The following PRUNE2 variants were observed in gnomAD, a reference collection of about 807,000 sequenced individuals.
PRUNE2 encodes the protein prune homolog 2 with BCH domain, also known as protein prune homolog 2.
In PRUNE2, 164 loss-of-function variants were observed where a neutral mutation model predicts 252.0. The observed-to-expected ratio is 0.65, with a 90% CI of 0.57 to 0.74. The LOEUF is 0.74. Ranked by LOEUF, PRUNE2 falls within the 30% of genes least tolerant of loss-of-function variation. The pLI is 0.00. For missense variants in PRUNE2, 3,495 were observed against 3,711.0 expected, an observed-to-expected ratio of 0.94 and a Z score of 1.51; for synonymous variants, 1,292 against 1,350.2, an observed-to-expected ratio of 0.96 and a Z score of 0.94.
At chr9:76,752,595 C>T (rs571604168) in intron 6 of PRUNE2, among the ~76,000 whole-genome samples, 5 of 152,142 alleles carry the variant, frequency 3.3e-5, no homozygotes, top group African/African-American at 1.2e-4. Context: ...TTTCAGTCTC[C>T]TGAATAGAAG....
At chr9:76,760,718 A>C (rs961488893) in intron 6 of PRUNE2, among the ~76,000 whole-genome samples, 1 of 152,036 alleles carries the variant, frequency 6.6e-6, no homozygotes, top group African/African-American at 2.4e-5. Context: ...GACTCACTCT[A>C]CTTCAACCAA....
At chr9:76,849,372 A>T (rs2059833092) in intron 3 of PRUNE2, among the ~76,000 whole-genome samples, 1 of 152,238 alleles carries the variant, frequency 6.6e-6, no homozygotes, top group Admixed American at 6.5e-5. Context: ...TGACCTTCAT[A>T]GCCCATCTCT....
chr9:76,811,052 T>C (rs1477768724), intron 6 of PRUNE2, among the ~76,000 whole-genome samples: 2 of 152,090 alleles, frequency 1.3e-5, no homozygotes, highest in Non-Finnish European at 2.9e-5. Context: ...AGAGAGAATA[T>C]AAATGAGAAG....
chr9:76,864,742 AGAGAAT>A (rs1454619225), intron 1 of PRUNE2, among the ~76,000 whole-genome samples: 1 of 152,244 alleles, frequency 6.6e-6, no homozygotes, highest in African/African-American at 2.4e-5. Flanking sequence ...GGGGCAATTA[AGAGAAT>A]AAGAAATGAA....
chr9:76,873,337 T>C (rs891797700), intron 1 of PRUNE2, among the ~76,000 whole-genome samples: 2 of 152,226 alleles, frequency 1.3e-5, no homozygotes, highest in African/African-American at 4.8e-5. Flanking sequence ...AATAAAAGTT[T>C]TTTTAAAAGA....
At chr9:76,834,233 C>T (rs1003171386) in intron 4 of PRUNE2, among the ~76,000 whole-genome samples, 1 of 151,956 alleles carries the variant, frequency 6.6e-6, no homozygotes, top group East Asian at 1.9e-4. Context: ...TGAATCCTAA[C>T]CAGAGTGCAA....
chr9:76,683,784 T>G (rs908778455), intron 9 of PRUNE2, among the ~76,000 whole-genome samples: 1 of 152,084 alleles, frequency 6.6e-6, no homozygotes, highest in African/African-American at 2.4e-5. Flanking sequence ...TGAAACCTGA[T>G]GCTAACATAT....
chr9:76,814,919 C>G (rs1176908762), intron 6 of PRUNE2, among the ~76,000 whole-genome samples: 4 of 152,242 alleles, frequency 2.6e-5, no homozygotes, highest in African/African-American at 9.6e-5. Flanking sequence ...TGGCATGCAT[C>G]TCCTCCCATA....
chr9:76,840,318 A>G (rs1413177103), intron 4 of PRUNE2, among the ~76,000 whole-genome samples: 3 of 152,170 alleles, frequency 2.0e-5, no homozygotes, highest in Non-Finnish European at 4.4e-5. Context: ...CAGTGGGCTC[A>G]GAGCCATACA....
intron 6 of PRUNE2, among the ~76,000 whole-genome samples, chr9:76,791,070 GT>G (rs2055501042): frequency 6.6e-6 from 1 of 152,222 alleles, no homozygotes; most frequent in Non-Finnish European, 1.5e-5. Context: ...ACTGCCAGAG[GT>G]TGAGGGATTG....
chr9:76,773,184 G>T (rs561246450), intron 6 of PRUNE2, among the ~76,000 whole-genome samples: 1 of 152,224 alleles, frequency 6.6e-6, no homozygotes, highest in South Asian at 2.1e-4. Flanking sequence ...TGTTGTTGTT[G>T]GGATTCATCC....
chr9:76,710,293 C>G lies in PRUNE2; in HGVS notation c.1981G>C (p.Glu661Gln). The change falls in exon 8 of 19, where the codon GAA becomes CAA. Residue 661 changes from glutamate to glutamine, a missense_variant. Glu to Gln is a conservative substitution (Grantham distance 29, BLOSUM62 2). Transcript: ENST00000376718. Reference sequence around the variant, plus strand: ...TCTGCAATATTTTTGGAGTCAATTTCCAAACCACCCCACCAGCTGCTGCAC... The same window carrying G: ...TCTGCAATATTTTTGGAGTCAATTTGCAAACCACCCCACCAGCTGCTGCAC... ...ARCSSWWGGL[E>Q]IDSKNIADAW... 6.2e-7 allele frequency: 1 copy of G among 1,614,018 alleles called. No homozygotes were observed. Among genetic ancestry groups the G allele is most frequent in the Non-Finnish European group, 8.5e-7 (1 of 1,179,894 alleles).
At chr9:76,776,401 T>G (rs1396163724) in intron 6 of PRUNE2, among the ~76,000 whole-genome samples, 2 of 152,198 alleles carry the variant, frequency 1.3e-5, no homozygotes, top group Non-Finnish European at 2.9e-5. Flanking sequence ...TGATTTTCCA[T>G]TTTTGAATTA....
At chr9:76,796,071 T>C (rs915116396) in intron 6 of PRUNE2, among the ~76,000 whole-genome samples, 4 of 152,232 alleles carry the variant, frequency 2.6e-5, no homozygotes, top group African/African-American at 9.6e-5. Flanking sequence ...AATGTTTAAA[T>C]CAAGTTTGTG....
chr9:76,791,111 C>A (rs2055505109), intron 6 of PRUNE2, among the ~76,000 whole-genome samples: 1 of 152,158 alleles, frequency 6.6e-6, no homozygotes, highest in African/African-American at 2.4e-5. Context: ...GGTCAAAGGG[C>A]ACAAACTTTC....
rs543808229 is a variant in PRUNE2 at position 76,722,905 on chromosome 9, T to C, written c.757-9184A>G. Among the ~76,000 whole-genome samples the C allele has an allele frequency of 4.6e-4, 70 of 152,368 alleles. 1 individual carries two copies. The highest frequency in any genetic ancestry group is 2.5e-3 in the South Asian group (12 of 4,830). On this transcript the variant is annotated intron_variant, in intron 6 of 18. Transcript: ENST00000376718. The stretch of plus-strand genomic sequence containing the variant: ...ACATCCCTCCTCACCAAAGATATTA[T>C]TGATTAATTCAGTTTTTAATAAAAA...
intron 6 of PRUNE2, among the ~76,000 whole-genome samples, chr9:76,734,637 C>T (rs761286169): frequency 2.0e-5 from 3 of 152,162 alleles, no homozygotes; most frequent in Admixed American, 6.5e-5. Context: ...TTCAGATTGT[C>T]ACAGACATAA....
At chr9:76,687,667 C>G (rs189496611) in intron 9 of PRUNE2, 1 of 418,982 alleles carries the variant, frequency 2.4e-6, no homozygotes, top group East Asian at 7.5e-5. Context: ...AGGAGTTCAA[C>G]AAACATTTGA....
intron 6 of PRUNE2, among the ~76,000 whole-genome samples, chr9:76,724,397 CTGGG>C (rs140986077): frequency 0.7 from 104,984 of 149,552 alleles, 37,355 homozygotes; most frequent in East Asian, 0.91. Flanking sequence ...TTGGTTGAGC[CTGGG>C]TGGGGGTGGA....
Sources: allele counts gnomAD v4.1 joint callset (sites outside exome capture counted in the v4.1 genomes callset), GRCh38; gene constraint gnomAD v4.1.1; transcripts MANE v1.5; gene names NCBI Gene and HGNC (gene_info 2026-07-23, HGNC 2026-07-21).